The following GLP2R variants were observed in gnomAD, a reference collection of about 807,000 sequenced individuals.
The protein encoded by GLP2R is glucagon-like peptide 2 receptor.
Under a neutral mutation model 68.2 loss-of-function variants are expected in GLP2R, and 59 were observed. The observed-to-expected ratio is 0.87, with a 90% CI of 0.70 to 1.07. The LOEUF (loss-of-function observed/expected upper bound fraction) is 1.07, where lower values mean the gene tolerates loss of function less well. Ranked by LOEUF, GLP2R falls within the 50% of genes least tolerant of loss-of-function variation. The pLI is 0.00. For missense variants in GLP2R, 548 were observed against 677.4 expected, an observed-to-expected ratio of 0.81 and a Z score of 2.12; for synonymous variants, 270 against 265.4, an observed-to-expected ratio of 1.02 and a Z score of -0.17.
intron 4 of GLP2R, among the ~76,000 whole-genome samples, chr17:9,843,249 C>T (rs917544339): frequency 1.3e-5 from 2 of 152,092 alleles, no homozygotes; most frequent in Admixed American, 6.5e-5. Context: ...GGAAACGAAA[C>T]GTCCCTTATC....
At chr17:9,836,280 G>C (rs1369334603) in intron 2 of GLP2R, 91 bp from the exon 3 acceptor site, 4 of 832,176 alleles carry the variant, frequency 4.8e-6, no homozygotes, top group Non-Finnish European at 8.3e-6. Context: ...TCCAGTGCCA[G>C]GAAGGTGGGC....
At position 9,889,354 on chromosome 17, in the gene GLP2R, T is replaced by G; in HGVS notation, c.1327-16T>G. 6.3e-7 allele frequency: 1 copy of G among 1,577,034 alleles called. No homozygotes were observed. The highest frequency in any genetic ancestry group is 8.7e-7 in the Non-Finnish European group (1 of 1,147,876). On this transcript the variant is annotated splice_polypyrimidine_tract_variant and intron_variant, in intron 12 of 12. Coordinates refer to ENST00000262441, the MANE Select transcript of GLP2R (RefSeq NM_004246.3). ...TGACTCCAAGACAGTAACCTCTCAC[T>G]TGTCTCACCCGGCAGGTGAAGGCTG...
At chr17:9,847,133 A>T (rs567587909) in intron 4 of GLP2R, among the ~76,000 whole-genome samples, 119 of 152,380 alleles carry the variant, frequency 7.8e-4, no homozygotes, top group African/African-American at 2.8e-3. Context: ...CTCCTCATGC[A>T]GATACAACAG....
At chr17:9,859,764 T>C (rs1441509601) in intron 6 of GLP2R, among the ~76,000 whole-genome samples, 178 bp from the exon 7 acceptor site, 1 of 135,558 alleles carries the variant, frequency 7.4e-6, no homozygotes, top group African/African-American at 2.8e-5. Context: ...GGTTGCAGTG[T>C]GAGCTGAGAT....
chr17:9,883,346 A>C (rs1394402819), intron 11 of GLP2R, among the ~76,000 whole-genome samples: 1 of 152,152 alleles, frequency 6.6e-6, no homozygotes, highest in Non-Finnish European at 1.5e-5. Context: ...AAAATAATAG[A>C]GCTTCAGAGA....
chr17:9,873,012 G>A (rs1373644334), intron 10 of GLP2R, among the ~76,000 whole-genome samples: 2 of 152,182 alleles, frequency 1.3e-5, no homozygotes, highest in African/African-American at 2.4e-5. Context: ...AGGGAGCCAC[G>A]CTGTCTCTCT....
At chr17:9,852,894 T>A (rs1390038401) in intron 4 of GLP2R, 1 of 457,970 alleles carries the variant, frequency 2.2e-6, no homozygotes. Context: ...CAGGGGCAGA[T>A]TACTTTCCAG....
intron 6 of GLP2R, among the ~76,000 whole-genome samples, chr17:9,859,032 AC>A (rs371923403): frequency 4.0e-5 from 6 of 151,638 alleles, no homozygotes; most frequent in East Asian, 3.9e-4. Context: ...TCTTTTTCTA[AC>A]TTTTTTTTAC....
chr17:9,853,984 G>A (rs1194992811), intron 4 of GLP2R, among the ~76,000 whole-genome samples: 1 of 152,196 alleles, frequency 6.6e-6, no homozygotes, highest in Non-Finnish European at 1.5e-5. Flanking sequence ...ATTATCCTGT[G>A]TTCACAATCA....
rs1050471904 is a variant in GLP2R at position 9,890,896 on chromosome 17, C to A, written c.*1191C>A. ...GTGACCCATGGAGGCTGAGGAGGGC[C>A]CAGGCAGTTGGGGTCAGGCTCAATG... On this transcript the variant is annotated 3_prime_UTR_variant, in exon 13 of 13. Transcript: ENST00000262441. 1.3e-5 allele frequency: 2 copies of A among 152,188 alleles called. No individual in the cohort carries two copies. The highest frequency in any genetic ancestry group is 2.9e-5 in the Non-Finnish European group (2 of 68,094). 9.4% of individuals were successfully genotyped at this position (152,188 alleles called of 1,614,324 possible).
intron 1 of GLP2R, among the ~76,000 whole-genome samples, chr17:9,829,058 G>C (rs544896726): frequency 1.3e-5 from 2 of 152,262 alleles, no homozygotes; most frequent in East Asian, 3.9e-4. Flanking sequence ...TCCCTGCATG[G>C]AATATAAATG....
At chr17:9,841,350 G>T (rs1413279054) in intron 3 of GLP2R, among the ~76,000 whole-genome samples, 1 of 152,006 alleles carries the variant, frequency 6.6e-6, no homozygotes, top group Non-Finnish European at 1.5e-5. Context: ...ATTTTATTCA[G>T]CTTGCTCTGA....
chr17:9,858,608 C>G (rs1194596645), intron 6 of GLP2R, among the ~76,000 whole-genome samples: 1 of 152,172 alleles, frequency 6.6e-6, no homozygotes, highest in African/African-American at 2.4e-5. Context: ...GCATTTTGGA[C>G]CCAGAGGTTT....
intron 3 of GLP2R, among the ~76,000 whole-genome samples, chr17:9,839,180 C>G (rs1008346909): frequency 6.6e-6 from 1 of 152,088 alleles, no homozygotes; most frequent in East Asian, 1.9e-4. Context: ...CTATTGGACA[C>G]AGGAATGGAG....
intron 10 of GLP2R, among the ~76,000 whole-genome samples, chr17:9,873,599 G>C: frequency 1.5e-5 from 1 of 65,246 alleles, no homozygotes; most frequent in Middle Eastern, 8.9e-3. Context: ...GCTATTGTTA[G>C]TGTTAGTTTA....
chr17:9,874,200 G>T (rs1410558010), intron 10 of GLP2R, among the ~76,000 whole-genome samples: 1 of 152,156 alleles, frequency 6.6e-6, no homozygotes, highest in Non-Finnish European at 1.5e-5. Context: ...AGGAGCCATT[G>T]GTCTAGGAAA....
chr17:9,849,943 A>G (rs572068942), intron 4 of GLP2R, among the ~76,000 whole-genome samples: 34 of 152,252 alleles, frequency 2.2e-4, no homozygotes, highest in Middle Eastern at 3.4e-3. Flanking sequence ...TAAAACTGCC[A>G]CAGTGAATAA....
rs564665932 is a variant in GLP2R at position 9,833,833 on chromosome 17, G to A, written c.216G>A (p.Thr72=). 1.7e-5 allele frequency: 28 copies of A among 1,613,210 alleles called. No individual in the cohort carries two copies. The highest frequency in any genetic ancestry group is 3.3e-5 in the Admixed American group (2 of 59,952). Residue 72 remains threonine, a synonymous_variant, in exon 2 of 13, where the codon ACG becomes ACA. Transcript: ENST00000262441. The stretch of plus-strand genomic sequence containing the variant: ...TTACAGGATCCCTCCTTGAGGAAAC[G>A]ACTCGGAAGTGGGCTCAGTACAAAC... ...KQVTGSLLEE[T]TRKWAQYKQA... is the part of the protein sequence containing the mutation.
Position 9,854,509 on chromosome 17 carries a change from C to G in GLP2R, c.519C>G (p.Ala173=), listed in dbSNP as rs763918937. ...HSFKQNVDRY[A]LLSTLQLMYT... ...TCTGTGTTCAGGTGGATCGTTATGC[C>G]TTGCTGTCAACCTTGCAGCTGATGT... The change falls in exon 5 of 13, where the codon GCC becomes GCG. Residue 173 remains alanine, a synonymous_variant. Coordinates refer to ENST00000262441, the MANE Select transcript of GLP2R (RefSeq NM_004246.3). 4 of 1,607,066 alleles carry G rather than the reference C, an allele frequency of 2.5e-6. No individual in the cohort carries two copies. In the South Asian group the frequency reaches 3.3e-5, roughly 13 times the overall value.
Sources: allele counts gnomAD v4.1 joint callset (sites outside exome capture counted in the v4.1 genomes callset), GRCh38; gene constraint gnomAD v4.1.1; transcripts MANE v1.5; gene names NCBI Gene and HGNC (gene_info 2026-07-23, HGNC 2026-07-21).